Variants in FN1 observed in about 807,000 individuals in gnomAD.
FN1 encodes fibronectin 1.
FN1 carries 106 observed loss-of-function variants against 297.3 expected under a neutral mutation model. That is an observed-to-expected ratio of 0.36 (90% CI 0.30 to 0.42). The LOEUF (loss-of-function observed/expected upper bound fraction) is 0.42. FN1 is among the 10% of genes least tolerant of loss of function. FN1 has a pLI of 1.00. For missense variants in FN1, 2,690 were observed against 3,124.9 expected (o/e 0.86, Z 3.32); for synonymous variants, 1,149 against 1,152.6 (o/e 1.00, Z 0.06).
chr2:215,380,969 C>A lies in FN1; in HGVS notation c.5276G>T (p.Ser1759Ile). ...TAGCTCATGGATTCCATCCTCAGGG[C>A]TCGAGTAGGTCACCCTGTACCTGGA... The part of the protein sequence containing the change: ...QVSRYRVTYS[S>I]PEDGIHELFP... The change falls in exon 33 of 46, where the codon AGC becomes ATC. Residue 1759 changes from serine to isoleucine, a missense_variant. Physicochemically the swap from Ser to Ile is moderately radical, Grantham distance 142 (BLOSUM62 -2). This residue lies in a region of FN1 where 1,743 missense variants were observed against 1,945.2 expected (regional missense o/e 0.90). Coordinates refer to ENST00000354785, the MANE Select transcript of FN1 (RefSeq NM_212482.4). 1 of 1,614,220 alleles carries A rather than the reference C, an allele frequency of 6.2e-7. No homozygotes were observed. Among genetic ancestry groups the A allele is most frequent in the Non-Finnish European group, 8.5e-7 (1 of 1,180,032 alleles).
Position 215,386,814 on chromosome 2 carries a change from C to A in FN1, c.4487G>T (p.Arg1496Leu), listed in dbSNP as rs748700094. 6.2e-7 allele frequency: 1 copy of A among 1,613,884 alleles called. No homozygotes were observed. The highest frequency in any genetic ancestry group is 2.2e-5 in the East Asian group (1 of 44,850). ...EHFSGRPRED[R>L]VPHSRNSITL... ...GATGGAATTCCGAGAGTGGGGCACCCGATCTTCTCGAGGTCTCCCACTGAA... is the reference window on the plus strand; with the variant it reads ...GATGGAATTCCGAGAGTGGGGCACCAGATCTTCTCGAGGTCTCCCACTGAA... The change falls in exon 28 of 46, where the codon CGG (arginine) becomes CTG (leucine). Residue 1496 changes from arginine (R) to leucine (L), a missense_variant. This residue lies in a region of FN1 where 1,743 missense variants were observed against 1,945.2 expected (regional missense o/e 0.90). Transcript: ENST00000354785.
chr2:215,372,665 C>G (rs1253604590), intron 39 of FN1, among the ~76,000 whole-genome samples: 1 of 152,132 alleles, frequency 6.6e-6, no homozygotes, highest in Non-Finnish European at 1.5e-5. Context: ...CAAATTAGAC[C>G]TAATGGAACT....
At chr2:215,391,492 G>T in intron 26 of FN1, 140 bp downstream of exon 26, 1 of 721,090 alleles carries the variant, frequency 1.4e-6, no homozygotes, top group Non-Finnish European at 2.5e-6. Context: ...AAAATTAATG[G>T]AGCTGTGCAT....
rs978658321 is a variant in FN1, at chr2:215,411,221, G to A, written c.1942-1107C>T. Among the ~76,000 whole-genome samples, 51 of 152,286 alleles carry A rather than the reference G, an allele frequency of 3.3e-4. 1 individual carries two copies. The highest frequency in any genetic ancestry group is 7.2e-5 in the African/African-American group (3 of 41,552). On this transcript the variant is annotated intron_variant, in intron 13 of 45. Transcript: ENST00000354785. The stretch of plus-strand genomic sequence containing the variant: ...AATATGCCATGGGTCACAAAACTCA[G>A]TGCAATAAAATGTGTATGAAAGAAA...
chr2:215,432,430 A>G (rs1360966460), intron 3 of FN1, among the ~76,000 whole-genome samples: 1 of 152,224 alleles, frequency 6.6e-6, no homozygotes, highest in Admixed American at 6.5e-5. Context: ...ATGCATATAA[A>G]GTGTGGAAAT....
chr2:215,388,518 G>A (rs1265271577), intron 26 of FN1, among the ~76,000 whole-genome samples: 1 of 152,176 alleles, frequency 6.6e-6, no homozygotes. Flanking sequence ...ATGGCCTCTC[G>A]AAGCCCTCCA....
rs777200958 is a variant in FN1 at position 215,378,244 on chromosome 2, C to G, written c.5641G>C (p.Val1881Leu). 7 of 1,610,840 alleles carry G rather than the reference C, an allele frequency of 4.3e-6. No individual in the cohort carries two copies. The highest frequency in any genetic ancestry group is 1.3e-5 in the African/African-American group (1 of 74,862). The change falls in exon 35 of 46, where the codon GTG (valine) becomes CTG (leucine). Residue 1881 changes from valine to leucine, a missense_variant. Coordinates refer to ENST00000354785, the MANE Select transcript of FN1 (RefSeq NM_212482.4). ...SGLMVATKYE[V>L]SVYALKDTLT... is the part of the protein sequence containing the mutation. ...GTGTCCTTAAGAGCATAGACACTCA[C>G]TTCATATTTGGTGGCCACCTAGAGA... is the stretch of plus-strand genomic sequence containing the variant.
In FN1 at chr2:215,433,426, T is replaced by G. The variant is rs148629933; in HGVS notation, c.313A>C (p.Thr105Pro). Residue 105 changes from threonine to proline, a missense_variant, in exon 3 of 46, where the codon ACT (threonine) becomes CCT (proline). Thr to Pro is a conservative substitution (Grantham distance 38, BLOSUM62 -1). Coordinates refer to ENST00000354785, the MANE Select transcript of FN1 (RefSeq NM_212482.4). Reference protein sequence around the residue: ...ETCFDKYTGNTYRVGDTYERP... With the variant: ...ETCFDKYTGNPYRVGDTYERP... ...TCATAAGTGTCACCCACTCGGTAAG[T>G]GTTCCCAGTGTACTTGTCAAAGCAA... 272 of 1,614,170 alleles carry G rather than the reference T, an allele frequency of 1.7e-4. 1 individual carries two copies. The Admixed American group carries it at 4.1e-3, about 25-fold the overall frequency.
intron 36 of FN1, 120 bp downstream of exon 36, chr2:215,376,377 TG>T: frequency 1.1e-6 from 1 of 892,400 alleles, no homozygotes; most frequent in Non-Finnish European, 1.9e-6. Flanking sequence ...GTTCTAAAAC[TG>T]GGTTATGATG....
At chr2:215,407,692 T>A (rs2061946721) in intron 17 of FN1, among the ~76,000 whole-genome samples, 1 of 152,162 alleles carries the variant, frequency 6.6e-6, no homozygotes, top group Non-Finnish European at 1.5e-5. Flanking sequence ...TCTAGCACTG[T>A]GTGTGTCTTT....
Position 215,423,180 on chromosome 2 carries a change from TCACACA to T in FN1, c.1393+164_1393+169del, listed in dbSNP as rs9288509. ...CAATCCTTATGTATATGATGTAACA[TCACACA>T]CACACACACACACACACACACACAC... On this transcript the variant is annotated intron_variant, in intron 9 of 45. Transcript: ENST00000354785. Among the ~76,000 whole-genome samples, 214 of 148,872 alleles carry T rather than the reference TCACACA, an allele frequency of 1.4e-3. 2 individuals carry two copies. The highest frequency in any genetic ancestry group is 7.7e-3 in the East Asian group (39 of 5,082).
Position 215,361,338 on chromosome 2 carries a change from C to T in FN1, c.*217G>A. 1.7e-6 allele frequency: 1 copy of T among 586,184 alleles called. No individual in the cohort carries two copies. The highest frequency in any genetic ancestry group is 3.1e-6 in the Non-Finnish European group (1 of 327,328). The allele number at this position is 586,184 out of a possible 1,614,324, so 36.3% of individuals were successfully genotyped here. The stretch of plus-strand genomic sequence containing the variant: ...CGGTATTGAATACTTCGAAGCAGAA[C>T]AGGCAATGTGCAGCCCTCATTTATG... On this transcript the variant is annotated 3_prime_UTR_variant, in exon 46 of 46. Coordinates refer to ENST00000354785, the MANE Select transcript of FN1 (RefSeq NM_212482.4).
At position 215,420,934 on chromosome 2, in the gene FN1, C is replaced by A. The variant is rs2064222871; in HGVS notation, c.1547-133G>T. On this transcript the variant is annotated intron_variant, in intron 10 of 45. Transcript: ENST00000354785. ...ACCTTCCACTAAAATAACTTTTCTA[C>A]AAGCATAGAATAACATTTTTTTCAA... 3 of 908,894 alleles carry A rather than the reference C, an allele frequency of 3.3e-6. No homozygotes were observed. In the African/African-American group the frequency reaches 4.9e-5, roughly 15 times the overall value. The allele number at this position is 908,894 out of a possible 1,614,324, so 56.3% of individuals were successfully genotyped here.
intron 17 of FN1, 53 bp from the exon 18 acceptor site, chr2:215,407,374 T>G: frequency 7.1e-7 from 1 of 1,407,896 alleles, no homozygotes; most frequent in South Asian, 1.2e-5. Flanking sequence ...AGACAGAGGC[T>G]TAGAAACACC....
intron 26 of FN1, among the ~76,000 whole-genome samples, chr2:215,389,292 C>T (rs551982612): frequency 1.4e-4 from 22 of 151,818 alleles, no homozygotes; most frequent in South Asian, 2.1e-4. Flanking sequence ...TTAATAGAGA[C>T]GGGGCTTCAC....
Position 215,364,860 on chromosome 2 carries a change from C to G in FN1, c.7251+19G>C. ...TTATCTTATCTAACTTGTAGGGAGC[C>G]TGGCACATCCAGTCTTACCCGCTGG... On this transcript the variant is annotated intron_variant, in intron 44 of 45. Coordinates refer to ENST00000354785, the MANE Select transcript of FN1 (RefSeq NM_212482.4). The G allele has an allele frequency of 6.6e-7, 1 of 1,512,402 alleles. No homozygotes were observed. Among genetic ancestry groups the G allele is most frequent in the Non-Finnish European group, 9.0e-7 (1 of 1,113,624 alleles). The allele number at this position is 1,512,402 out of a possible 1,614,324, so 93.7% of individuals were successfully genotyped here. A position where few individuals can be genotyped will look rare whatever the true frequency, so the allele number is the denominator to read the frequency against.
intron 20 of FN1, among the ~76,000 whole-genome samples, chr2:215,399,859 G>C (rs1175082695): frequency 6.6e-6 from 1 of 152,060 alleles, no homozygotes; most frequent in Non-Finnish European, 1.5e-5. Context: ...ATTAATTTAA[G>C]AACAATGGTA....
At position 215,375,731 on chromosome 2, in the gene FN1, AAG is replaced by A. The variant is rs778746065; in HGVS notation, c.5888-15_5888-14del. On this transcript the variant is annotated splice_polypyrimidine_tract_variant and intron_variant, in intron 36 of 45. Transcript: ENST00000354785. ...CCTGGTTGTAAACCTGGGATTTGAGAAGAGATGATTTTTAACAGTTCTTGCTT... is the reference window on the plus strand; with the variant it reads ...CCTGGTTGTAAACCTGGGATTTGAGAAGATGATTTTTAACAGTTCTTGCTT... 6.4e-7 allele frequency: 1 copy of A among 1,556,634 alleles called. No homozygotes were observed.
chr2:215,435,879 G>C lies in FN1; in HGVS notation c.-77C>G. ...GTTTGCTTCCCTTCGCAACCTGCGG[G>C]AAAAATCCCTTCTAATGCCTCCCGG... is the stretch of plus-strand genomic sequence containing the variant. On this transcript the variant is annotated 5_prime_UTR_variant, in exon 1 of 46. Coordinates refer to ENST00000354785, the MANE Select transcript of FN1 (RefSeq NM_212482.4). 6.8e-7 allele frequency: 1 copy of C among 1,464,784 alleles called. No individual in the cohort carries two copies. The highest frequency in any genetic ancestry group is 9.0e-7 in the Non-Finnish European group (1 of 1,107,988). The allele number at this position is 1,464,784 out of a possible 1,614,324, so 90.7% of individuals were successfully genotyped here. A position where few individuals can be genotyped will look rare whatever the true frequency, so the allele number is the denominator to read the frequency against.
Sources: gnomAD v4.1 joint callset for allele counts (sites outside exome capture counted in the v4.1 genomes callset) on GRCh38, gnomAD v4.1.1 for gene constraint, gnomAD v4.1.1 regional missense constraint, MANE v1.5 for transcripts, NCBI Gene and HGNC (gene_info 2026-07-23, HGNC 2026-07-21) for gene names.